The following GRID2 variants were observed in gnomAD, a reference collection of about 807,000 sequenced individuals.
The protein encoded by GRID2 is glutamate ionotropic receptor delta type subunit 2, also known as glutamate receptor ionotropic, delta-2.
Under a neutral mutation model 114.8 loss-of-function variants are expected in GRID2, and 33 were observed. The observed-to-expected ratio is 0.29, with a 90% CI of 0.22 to 0.38. The LOEUF (loss-of-function observed/expected upper bound fraction) is 0.38, where lower values mean the gene tolerates loss of function less well. Among genes scored for constraint, GRID2 ranks in the 10% least tolerant of loss-of-function variants. The pLI, the probability that GRID2 is intolerant of heterozygous loss-of-function variation, is 1.00. For missense variants in GRID2, 1,184 were observed against 1,257.7 expected, an observed-to-expected ratio of 0.94 and a Z score of 0.89; for synonymous variants, 505 against 449.9, an observed-to-expected ratio of 1.12 and a Z score of -1.55.
chr4:93,723,146 G>A (rs1016844452), intron 14 of GRID2, among the ~76,000 whole-genome samples: 1 of 152,172 alleles, frequency 6.6e-6, no homozygotes, highest in Non-Finnish European at 1.5e-5. Flanking sequence ...AATGAATCAT[G>A]TGTTTTTCCA....
chr4:92,536,366 G>T (rs1401582104), intron 1 of GRID2, among the ~76,000 whole-genome samples: 2 of 152,116 alleles, frequency 1.3e-5, no homozygotes, highest in Non-Finnish European at 2.9e-5. Context: ...CCTTTAGCTA[G>T]ACAGAAACGT....
chr4:93,507,824 C>T (rs930977230), intron 12 of GRID2, among the ~76,000 whole-genome samples: 1 of 152,246 alleles, frequency 6.6e-6, no homozygotes, highest in African/African-American at 2.4e-5. Context: ...TTTTATTTGC[C>T]TTGCCTCTGA....
At chr4:93,469,620 T>A (rs1396175204) in intron 11 of GRID2, among the ~76,000 whole-genome samples, 1 of 152,106 alleles carries the variant, frequency 6.6e-6, no homozygotes, top group Non-Finnish European at 1.5e-5. Flanking sequence ...CATTTAAACA[T>A]TTCTTGATTT....
At chr4:92,707,176 T>G (rs1734994790) in intron 2 of GRID2, among the ~76,000 whole-genome samples, 1 of 152,250 alleles carries the variant, frequency 6.6e-6, no homozygotes, top group Middle Eastern at 3.4e-3. Context: ...AAAAAGTACA[T>G]TATAAAAAGA....
At chr4:92,498,470 T>C (rs1723504934) in intron 1 of GRID2, among the ~76,000 whole-genome samples, 1 of 151,942 alleles carries the variant, frequency 6.6e-6, no homozygotes, top group African/African-American at 2.4e-5. Context: ...AAACTGATTA[T>C]GCAAAAGATA....
At chr4:93,139,751 C>T (rs1261497203) in intron 4 of GRID2, among the ~76,000 whole-genome samples, 1 of 151,858 alleles carries the variant, frequency 6.6e-6, no homozygotes, top group Non-Finnish European at 1.5e-5. Context: ...CACACACACA[C>T]ACACACACAC....
At chr4:93,014,658 G>A (rs372886022) in intron 2 of GRID2, among the ~76,000 whole-genome samples, 1 of 152,080 alleles carries the variant, frequency 6.6e-6, no homozygotes, top group African/African-American at 2.4e-5. Context: ...ATATTAATGA[G>A]ATTTCCATGA....
chr4:93,516,051 A>G (rs140649302), intron 13 of GRID2, among the ~76,000 whole-genome samples: 651 of 152,294 alleles, frequency 4.3e-3, no homozygotes, highest in South Asian at 7.9e-3. Flanking sequence ...TTCAAACCCT[A>G]TCAACCTCTA....
intron 1 of GRID2, among the ~76,000 whole-genome samples, chr4:92,474,884 T>C (rs1354926719): frequency 6.8e-6 from 1 of 147,992 alleles, no homozygotes; most frequent in East Asian, 2.1e-4. Context: ...GATATTAACC[T>C]CTTATCAAGT....
chr4:92,443,689 C>G (rs560048078), intron 1 of GRID2, among the ~76,000 whole-genome samples: 32 of 151,996 alleles, frequency 2.1e-4, no homozygotes, highest in African/African-American at 7.0e-4. Flanking sequence ...CCCGGAAAAG[C>G]TGAGAAGGGG....
chr4:93,476,636 T>C (rs528844300), intron 11 of GRID2, among the ~76,000 whole-genome samples: 162 of 152,156 alleles, frequency 1.1e-3, no homozygotes, highest in Non-Finnish European at 2.2e-3. Flanking sequence ...TTCTAAAATA[T>C]CAAAATGGAA....
At chr4:92,611,731 T>C in intron 2 of GRID2, among the ~76,000 whole-genome samples, 1 of 151,686 alleles carries the variant, frequency 6.6e-6, no homozygotes, top group East Asian at 1.9e-4. Context: ...ATTATTGTTT[T>C]ACTTTGTATT....
At chr4:92,851,314 T>G in intron 2 of GRID2, among the ~76,000 whole-genome samples, 1 of 151,922 alleles carries the variant, frequency 6.6e-6, no homozygotes, top group East Asian at 1.9e-4. Flanking sequence ...TATGACATGG[T>G]AATTTGACCA....
At chr4:92,650,456 T>C (rs188597154) in intron 2 of GRID2, among the ~76,000 whole-genome samples, 15 of 152,100 alleles carry the variant, frequency 9.9e-5, no homozygotes, top group Admixed American at 9.8e-4. Flanking sequence ...TTCTAAGATA[T>C]CTTCTGTATT....
intron 1 of GRID2, among the ~76,000 whole-genome samples, chr4:92,332,032 CAG>C (rs1726917526): frequency 1.3e-5 from 2 of 152,162 alleles, no homozygotes; most frequent in Non-Finnish European, 2.9e-5. Context: ...CCTAAACTGG[CAG>C]AGTTTCAGAG....
intron 2 of GRID2, among the ~76,000 whole-genome samples, chr4:93,056,361 G>A (rs1727245279): frequency 6.6e-6 from 1 of 151,758 alleles, no homozygotes; most frequent in Non-Finnish European, 1.5e-5. Context: ...TGATTATAAA[G>A]CTCCTGTTCT....
intron 11 of GRID2, among the ~76,000 whole-genome samples, chr4:93,482,590 G>A (rs1034443565): frequency 2.0e-5 from 3 of 151,802 alleles, no homozygotes; most frequent in African/African-American, 7.3e-5. Flanking sequence ...TGGATGAGGG[G>A]CTTAAAACCT....
chr4:92,943,112 G>T (rs1161698465), intron 2 of GRID2, among the ~76,000 whole-genome samples: 1 of 152,024 alleles, frequency 6.6e-6, no homozygotes, highest in Non-Finnish European at 1.5e-5. Flanking sequence ...TTTGAATGTT[G>T]GCCTGCCTTG....
intron 1 of GRID2, among the ~76,000 whole-genome samples, chr4:92,330,181 A>T (rs1250161784): frequency 2.6e-5 from 4 of 152,148 alleles, no homozygotes. Flanking sequence ...CTATCATGTC[A>T]TAGAGTCTCA....
Sources: allele counts gnomAD v4.1 joint callset (sites outside exome capture counted in the v4.1 genomes callset), GRCh38; gene constraint gnomAD v4.1.1; transcripts MANE v1.5; gene names NCBI Gene and HGNC (gene_info 2026-07-23, HGNC 2026-07-21).